The following GPR39 variants were observed in gnomAD, a reference collection of about 807,000 sequenced individuals.
GPR39 encodes the protein G protein-coupled receptor 39, also known as zinc sensing receptor.
GPR39 carries 23 observed loss-of-function variants against 18.4 expected under a neutral mutation model. The observed-to-expected ratio is 1.25, with a 90% CI of 0.90 to 1.77. The LOEUF (loss-of-function observed/expected upper bound fraction) is 1.77. GPR39 is among the 40% of genes most tolerant of loss of function. The probability of loss-of-function intolerance (pLI) is 0.00; values close to 1 mark genes in which losing one functional copy is unlikely to be tolerated. For missense variants in GPR39, 647 were observed against 602.4 expected (o/e 1.07, Z -0.78); for synonymous variants, 280 against 257.9 (o/e 1.09, Z -0.82).
At chr2:132,512,092 A>G (rs1679252305) in intron 1 of GPR39, among the ~76,000 whole-genome samples, 1 of 152,266 alleles carries the variant, frequency 6.6e-6, no homozygotes, top group Middle Eastern at 3.4e-3. Flanking sequence ...CAAGGGTGTT[A>G]GGCTGTACCT....
chr2:132,572,550 A>C (rs1680460199), intron 1 of GPR39, among the ~76,000 whole-genome samples: 1 of 151,922 alleles, frequency 6.6e-6, no homozygotes, highest in Non-Finnish European at 1.5e-5. Flanking sequence ...AAAAAAAAAA[A>C]AAACCTCATT....
chr2:132,548,745 C>G (rs956014575), intron 1 of GPR39, among the ~76,000 whole-genome samples: 2 of 152,216 alleles, frequency 1.3e-5, no homozygotes, highest in Non-Finnish European at 2.9e-5. Flanking sequence ...TTGTAGGGAT[C>G]AAATAATTAT....
Position 132,574,824 on chromosome 2 carries a change from A to T in GPR39, c.857-70277A>T, listed in dbSNP as rs80333663. On this transcript the variant is annotated intron_variant, in intron 1 of 1. Coordinates refer to ENST00000329321, the MANE Select transcript of GPR39 (RefSeq NM_001508.3). ...AAAACTTTTGTAAAAGATACAACTTAGTATTTTTCTAATATTATTAATGTA... is the reference window on the plus strand; with the variant it reads ...AAAACTTTTGTAAAAGATACAACTTTGTATTTTTCTAATATTATTAATGTA... Among the ~76,000 whole-genome samples, 226 of 152,334 alleles carry T rather than the reference A, an allele frequency of 1.5e-3. 1 individual carries two copies. Among genetic ancestry groups the T allele is most frequent in the African/African-American group, 5.2e-3 (215 of 41,574 alleles).
intron 1 of GPR39, among the ~76,000 whole-genome samples, chr2:132,636,217 C>G (rs998785454): frequency 6.6e-6 from 1 of 152,072 alleles, no homozygotes; most frequent in Non-Finnish European, 1.5e-5. Flanking sequence ...TAGCTCACAC[C>G]TCATTCTCTC....
chr2:132,622,924 C>T (rs1369593747), intron 1 of GPR39, among the ~76,000 whole-genome samples: 1 of 152,104 alleles, frequency 6.6e-6, no homozygotes, highest in East Asian at 1.9e-4. Context: ...GCAGCCTAAC[C>T]AACCTGGTGA....
At chr2:132,606,027 T>G (rs933928046) in intron 1 of GPR39, 1 of 152,206 alleles carries the variant, frequency 6.6e-6, no homozygotes, top group African/African-American at 2.4e-5. Context: ...GGAGCCCAGG[T>G]GGGTGGGGGG....
chr2:132,436,728 G>A (rs1299621981), intron 1 of GPR39, among the ~76,000 whole-genome samples: 2 of 152,094 alleles, frequency 1.3e-5, no homozygotes, highest in Non-Finnish European at 2.9e-5. Flanking sequence ...GGTGCTTGCC[G>A]ACTTGTGGGG....
chr2:132,460,712 G>A (rs1680815536), intron 1 of GPR39, among the ~76,000 whole-genome samples: 1 of 151,994 alleles, frequency 6.6e-6, no homozygotes, highest in Non-Finnish European at 1.5e-5. Flanking sequence ...CAATTTCTCT[G>A]TCTCTGTCTT....
intron 1 of GPR39, among the ~76,000 whole-genome samples, chr2:132,579,348 T>C (rs992358360): frequency 1.3e-5 from 2 of 152,188 alleles, no homozygotes; most frequent in African/African-American, 4.8e-5. Context: ...CTTTTAAATT[T>C]GTTAAGATTT....
intron 1 of GPR39, among the ~76,000 whole-genome samples, chr2:132,453,723 T>C (rs1272307503): frequency 1.3e-5 from 2 of 152,222 alleles, no homozygotes; most frequent in Non-Finnish European, 2.9e-5. Context: ...CCAGCACCAT[T>C]TATTAAATAG....
rs960094951 is a variant in GPR39, at chr2:132,417,833, C to T, written c.791C>T (p.Pro264Leu). The T allele has an allele frequency of 1.4e-5, 22 of 1,613,344 alleles. No individual in the cohort carries two copies. Among genetic ancestry groups the T allele is most frequent in the Non-Finnish European group, 1.8e-5 (21 of 1,180,020 alleles). The change falls in exon 1 of 2, where the codon CCG becomes CTG. Residue 264 changes from proline (P) to leucine (L), a missense_variant. Physicochemically the swap from Pro to Leu is moderately conservative, Grantham distance 98. Around this residue, in one of 3 missense-constraint regions of GPR39, gnomAD observed 581 missense variants for 506.8 expected, o/e 1.15. Coordinates refer to ENST00000329321, the MANE Select transcript of GPR39 (RefSeq NM_001508.3). Reference protein sequence around the residue: ...KGSLAGGTRPPQLRKSESEES... With the variant: ...KGSLAGGTRPLQLRKSESEES... ...TCGCTGGCCGGGGGCACGCGGCCTCCGCAGCTGAGGAAGTCCGAGAGCGAA... is the reference window on the plus strand; with the variant it reads ...TCGCTGGCCGGGGGCACGCGGCCTCTGCAGCTGAGGAAGTCCGAGAGCGAA...
chr2:132,417,074 G>A lies in GPR39; in HGVS notation c.32G>A (p.Cys11Tyr), dbSNP rs1358681549. Residue 11 changes from cysteine to tyrosine, a missense_variant, in exon 1 of 2, where the codon TGC (cysteine) becomes TAC (tyrosine). Physicochemically the swap from Cys to Tyr is radical, Grantham distance 194. Coordinates refer to ENST00000329321, the MANE Select transcript of GPR39 (RefSeq NM_001508.3). MASPSLPGSD[C>Y]SQIIDHSHVP... ...TCACCCAGCCTCCCGGGCAGTGACT[G>A]CTCCCAAATCATTGATCACAGTCAT... The A allele has an allele frequency of 2.5e-6, 4 of 1,614,104 alleles. No individual in the cohort carries two copies. The highest frequency in any genetic ancestry group is 3.3e-5 in the Admixed American group (2 of 60,030).
intron 1 of GPR39, among the ~76,000 whole-genome samples, chr2:132,501,054 G>GTTTT (rs55720929): frequency 8.6e-4 from 78 of 90,276 alleles, no homozygotes; most frequent in African/African-American, 1.4e-3. Context: ...TATCTTTTGT[G>GTTTT]TTTTTTTTTT....
At chr2:132,592,391 G>A (rs966757826) in intron 1 of GPR39, among the ~76,000 whole-genome samples, 3 of 152,234 alleles carry the variant, frequency 2.0e-5, no homozygotes, top group Admixed American at 6.5e-5. Flanking sequence ...TAGGATAGGT[G>A]CATACCTGGT....
intron 1 of GPR39, among the ~76,000 whole-genome samples, chr2:132,597,194 T>A (rs972075226): frequency 1.3e-5 from 2 of 152,124 alleles, no homozygotes; most frequent in African/African-American, 4.8e-5. Context: ...GACACCCAAG[T>A]GGAAAGCTGG....
chr2:132,437,950 A>G (rs1680357264), intron 1 of GPR39, among the ~76,000 whole-genome samples: 1 of 152,220 alleles, frequency 6.6e-6, no homozygotes, highest in Non-Finnish European at 1.5e-5. Flanking sequence ...TATCCTGGCT[A>G]GTGAAACTGT....
chr2:132,482,066 C>G (rs1430694215), intron 1 of GPR39, among the ~76,000 whole-genome samples: 1 of 152,184 alleles, frequency 6.6e-6, no homozygotes, highest in Non-Finnish European at 1.5e-5. Flanking sequence ...TTGACGTCCC[C>G]TAAATAATGG....
intron 1 of GPR39, among the ~76,000 whole-genome samples, chr2:132,513,000 C>T (rs1048128240): frequency 1.3e-5 from 2 of 152,228 alleles, no homozygotes; most frequent in East Asian, 3.9e-4. Flanking sequence ...CTGGGCAGTC[C>T]TTCTGTGCCC....
intron 1 of GPR39, among the ~76,000 whole-genome samples, chr2:132,527,861 A>G (rs1246408677): frequency 2.0e-5 from 3 of 152,248 alleles, no homozygotes; most frequent in East Asian, 3.9e-4. Context: ...AGTAGATTGC[A>G]AAACTTTTCT....
Sources: gnomAD v4.1 joint callset for allele counts (sites outside exome capture counted in the v4.1 genomes callset) on GRCh38, gnomAD v4.1.1 for gene constraint, gnomAD v4.1.1 regional missense constraint, MANE v1.5 for transcripts, NCBI Gene and HGNC (gene_info 2026-07-23, HGNC 2026-07-21) for gene names.